HPSE2: variants seen among roughly 807,000 people sequenced by gnomAD.
HPSE2 encodes the protein inactive heparanase-2.
HPSE2 carries 38 observed loss-of-function variants against 60.5 expected under a neutral mutation model. The observed-to-expected ratio is 0.63, with a 90% CI of 0.48 to 0.82. The LOEUF is 0.82. HPSE2 is among the 40% of genes least tolerant of loss of function. The pLI is 0.00. For synonymous variants in HPSE2, 295 were observed against 293.2 expected (o/e 1.01, Z -0.06); for missense variants, 713 against 740.4 (o/e 0.96, Z 0.43).
At chr10:98,806,674 A>G (rs2134551208) in intron 3 of HPSE2, among the ~76,000 whole-genome samples, 1 of 152,354 alleles carries the variant, frequency 6.6e-6, no homozygotes, top group South Asian at 2.1e-4. Context: ...TACTTAGTTA[A>G]ATGGATATAA....
chr10:99,102,496 T>C (rs1260064911), intron 3 of HPSE2, among the ~76,000 whole-genome samples: 1 of 151,994 alleles, frequency 6.6e-6, no homozygotes, highest in Non-Finnish European at 1.5e-5. Flanking sequence ...ATTAATACCC[T>C]ACCAACCAAA....
At chr10:98,739,949 C>A (rs74893839) in intron 4 of HPSE2, among the ~76,000 whole-genome samples, 2,068 of 152,178 alleles carry the variant, frequency 0.014, 48 homozygotes, top group African/African-American at 0.048. Context: ...ATATACACTT[C>A]CAGAGTTTGA....
intron 3 of HPSE2, among the ~76,000 whole-genome samples, chr10:99,082,542 T>C (rs1374018520): frequency 6.6e-6 from 1 of 152,210 alleles, no homozygotes; most frequent in Non-Finnish European, 1.5e-5. Context: ...TACTTTCATC[T>C]ACCTTATATA....
At chr10:98,940,515 C>T (rs1267983213) in intron 3 of HPSE2, among the ~76,000 whole-genome samples, 1 of 143,918 alleles carries the variant, frequency 6.9e-6, no homozygotes, top group Non-Finnish European at 1.5e-5. Context: ...CACATACACC[C>T]TCCCAAGACT....
chr10:98,673,505 T>C (rs1453181107), intron 6 of HPSE2, among the ~76,000 whole-genome samples: 1 of 152,164 alleles, frequency 6.6e-6, no homozygotes, highest in Non-Finnish European at 1.5e-5. Flanking sequence ...ACAATTACCC[T>C]TGGGTTCCCT....
intron 3 of HPSE2, among the ~76,000 whole-genome samples, chr10:98,857,160 G>C (rs1305303238): frequency 6.6e-6 from 1 of 152,036 alleles, no homozygotes; most frequent in Non-Finnish European, 1.5e-5. Flanking sequence ...GGGTCTTTGG[G>C]CTAATTCATC....
the HPSE2 span, among the ~76,000 whole-genome samples, chr10:99,255,124 T>C: frequency 2.0e-5 from 3 of 152,166 alleles, no homozygotes; most frequent in Non-Finnish European, 2.9e-5. Flanking sequence ...TCTTTCAGCC[T>C]AGTTGAACAC....
chr10:98,555,354 T>C (rs1426105129), intron 9 of HPSE2, among the ~76,000 whole-genome samples: 1 of 152,220 alleles, frequency 6.6e-6, no homozygotes, highest in East Asian at 1.9e-4. Flanking sequence ...CATTCTGCCT[T>C]TTCTGCAGCC....
At chr10:98,655,615 T>C (rs150189441) in intron 6 of HPSE2, among the ~76,000 whole-genome samples, 49 of 152,302 alleles carry the variant, frequency 3.2e-4, no homozygotes, top group African/African-American at 1.1e-3. Context: ...CTTTTTCTTG[T>C]ATAAATAGGA....
chr10:98,829,295 C>T lies in HPSE2; in HGVS notation c.611-85239G>A, dbSNP rs566309085. 5.3e-5 allele frequency among the ~76,000 whole-genome samples: 8 copies of T among 152,144 alleles called. No homozygotes were observed. The East Asian group carries it at 7.8e-4, about 15-fold the overall frequency. On this transcript the variant is annotated intron_variant, in intron 3 of 11. Transcript: ENST00000370552. ...CTGTAATCCCAGCACTTTGGGAGGC[C>T]GAGGCAGGTGGATCACGAGGTCAGG...
chr10:98,546,981 A>G (rs1457121511), intron 9 of HPSE2, among the ~76,000 whole-genome samples: 2 of 150,268 alleles, frequency 1.3e-5, no homozygotes, highest in Admixed American at 1.3e-4. Context: ...AACCCTATCA[A>G]AAAGTGGGCA....
At chr10:98,872,632 A>T (rs971772281) in intron 3 of HPSE2, among the ~76,000 whole-genome samples, 3 of 152,136 alleles carry the variant, frequency 2.0e-5, no homozygotes, top group Non-Finnish European at 4.4e-5. Flanking sequence ...TTTGCCCCCT[A>T]TCACTCAGAG....
the HPSE2 span, among the ~76,000 whole-genome samples, chr10:99,315,319 T>C: frequency 2.0e-5 from 3 of 152,260 alleles, no homozygotes; most frequent in Non-Finnish European, 2.9e-5. Context: ...TCACAGGTAC[T>C]GCTAATATTA....
At chr10:98,740,627 C>T (rs1949474128) in intron 4 of HPSE2, among the ~76,000 whole-genome samples, 1 of 152,082 alleles carries the variant, frequency 6.6e-6, no homozygotes, top group South Asian at 2.1e-4. Context: ...TAAAGTTTAG[C>T]CACTCTAGAA....
At chr10:98,619,438 T>C (rs1946012383) in intron 8 of HPSE2, among the ~76,000 whole-genome samples, 1 of 152,212 alleles carries the variant, frequency 6.6e-6, no homozygotes, top group African/African-American at 2.4e-5. Context: ...GTGACTACCA[T>C]TGATAAAGTC....
At chr10:98,807,308 A>G (rs931172958) in intron 3 of HPSE2, among the ~76,000 whole-genome samples, 10 of 152,228 alleles carry the variant, frequency 6.6e-5, no homozygotes, top group African/African-American at 2.4e-4. Context: ...CTACATTCAT[A>G]TTGCTGTGTC....
At chr10:98,541,589 C>G (rs1450503955) in intron 9 of HPSE2, among the ~76,000 whole-genome samples, 1 of 152,148 alleles carries the variant, frequency 6.6e-6, no homozygotes, top group East Asian at 1.9e-4. Flanking sequence ...ACAGACGGCA[C>G]CTGGAAAATT....
intron 6 of HPSE2, among the ~76,000 whole-genome samples, chr10:98,666,543 G>C (rs575001739): frequency 1.3e-4 from 20 of 152,224 alleles, no homozygotes; most frequent in African/African-American, 4.6e-4. Flanking sequence ...CATAGAGCAA[G>C]TCTCAATAAA....
At chr10:98,582,698 G>A (rs1023177959) in intron 9 of HPSE2, among the ~76,000 whole-genome samples, 1 of 152,066 alleles carries the variant, frequency 6.6e-6, no homozygotes, top group Non-Finnish European at 1.5e-5. Flanking sequence ...CTGTCTCTAT[G>A]GAGTATTTAC....
Sources: allele counts gnomAD v4.1 joint callset (sites outside exome capture counted in the v4.1 genomes callset), GRCh38; gene constraint gnomAD v4.1.1; transcripts MANE v1.5; gene names NCBI Gene and HGNC (gene_info 2026-07-23, HGNC 2026-07-21).